TMEM41A: variants seen among roughly 807,000 people sequenced by gnomAD.
TMEM41A encodes transmembrane protein 41A.
TMEM41A carries 20 observed loss-of-function variants against 25.7 expected under a neutral mutation model. The ratio of observed to expected loss-of-function variants is 0.78; its 90% CI spans 0.55 to 1.13. The LOEUF (loss-of-function observed/expected upper bound fraction) is 1.13, where lower values mean the gene tolerates loss of function less well. Ranked by LOEUF, TMEM41A falls within the 50% of genes most tolerant of loss-of-function variation. TMEM41A has a pLI of 0.00. For synonymous variants in TMEM41A, 133 were observed against 139.6 expected, an observed-to-expected ratio of 0.95 and a Z score of 0.33; for missense variants, 299 against 314.3, an observed-to-expected ratio of 0.95 and a Z score of 0.37.
rs1405962077 is a variant in TMEM41A, at chr3:185,494,753, C to G, written c.444G>C (p.Glu148Asp). ...AGAAAAAAAACAAGCTGTTTCTGTT[C>G]TCCTCCACCTGTAGCCAAAGAGAAG... Reference protein sequence around the residue: ...KVALLQRKVEENRNSLFFFLL... With the variant: ...KVALLQRKVEDNRNSLFFFLL... The change falls in exon 4 of 5, where the codon GAG becomes GAC. Residue 148 changes from glutamate to aspartate, a missense_variant. Transcript: ENST00000421852. The G allele has an allele frequency of 6.2e-7, 1 of 1,605,596 alleles. No individual in the cohort carries two copies. The highest frequency in any genetic ancestry group is 1.3e-5 in the African/African-American group (1 of 74,264).
intron 3 of TMEM41A, 106 bp downstream of exon 3, chr3:185,495,048 A>G: frequency 7.3e-7 from 1 of 1,369,508 alleles, no homozygotes; most frequent in South Asian, 1.3e-5. Flanking sequence ...CTCCTGAAAC[A>G]GCGTGGAAGA....
chr3:185,491,815 A>G, intron 4 of TMEM41A, 58 bp from the exon 5 acceptor site: 3 of 1,321,268 alleles, frequency 2.3e-6, no homozygotes, highest in South Asian at 1.4e-5. Flanking sequence ...TAAGAAAATA[A>G]TAATTCAGAA....
Position 185,491,326 on chromosome 3 carries a change from G to T in TMEM41A, c.*211C>A. 1 of 489,380 alleles carries T rather than the reference G, an allele frequency of 2.0e-6. No homozygotes were observed. The highest frequency in any genetic ancestry group is 3.7e-6 in the Non-Finnish European group (1 of 270,824). 30.3% of individuals were successfully genotyped at this position (489,380 alleles called of 1,614,324 possible). On this transcript the variant is annotated 3_prime_UTR_variant, in exon 5 of 5. Coordinates refer to ENST00000421852, the MANE Select transcript of TMEM41A (RefSeq NM_080652.4). Reference sequence around the variant, plus strand: ...CAGCATTTTCTAGGAGGCATCTGTTGCAGTGTCTGCTACACCAGGGCTGGT... The same window carrying T: ...CAGCATTTTCTAGGAGGCATCTGTTTCAGTGTCTGCTACACCAGGGCTGGT...
At chr3:185,493,880 AGGTTTGCAGTTTGAGAATGACTG>A (rs921352614) in intron 4 of TMEM41A, 5 of 152,314 alleles carry the variant, frequency 3.3e-5, no homozygotes, top group South Asian at 2.1e-4. Flanking sequence ...GATTCTTAAT[AGGTTTGCAGTTTGAGAATGACTG>A]GGTTTGCAGT....
At chr3:185,498,525 G>A in intron 1 of TMEM41A, 2 of 267,042 alleles carry the variant, frequency 7.5e-6, no homozygotes, top group Non-Finnish European at 1.4e-5. Context: ...GAAAGCAACG[G>A]CGCGGGCAGG....
chr3:185,498,905 G>A lies in TMEM41A; in HGVS notation c.57C>T (p.Tyr19=), dbSNP rs1441701202. 1.9e-6 allele frequency: 3 copies of A among 1,606,880 alleles called. No homozygotes were observed. The highest frequency in any genetic ancestry group is 1.7e-6 in the Non-Finnish European group (2 of 1,177,378). Residue 19 remains tyrosine, a synonymous_variant, in exon 1 of 5, where the codon TAC becomes TAT. Transcript: ENST00000421852. The part of the protein sequence containing the change: ...LVFAGCTFAL[Y]LLSTRLPRGR... ...CGCGGGGCAGTCGCGTCGACAGCAA[G>A]TACAAGGCGAAGGTGCAGCCGGCGA... is the stretch of plus-strand genomic sequence containing the variant.
At chr3:185,498,801 G>A (rs770842673) in intron 1 of TMEM41A, 42 bp downstream of exon 1, 3 of 1,453,382 alleles carry the variant, frequency 2.1e-6, no homozygotes, top group East Asian at 5.0e-5. Flanking sequence ...CCTCGGACCC[G>A]GCTCCCTTCC....
chr3:185,496,373 C>A, intron 2 of TMEM41A: 1 of 240,044 alleles, frequency 4.2e-6, no homozygotes, highest in African/African-American at 2.2e-5. Flanking sequence ...CAGGCAGAGT[C>A]AGGGTTCACC....
intron 1 of TMEM41A, among the ~76,000 whole-genome samples, 167 bp from the exon 2 acceptor site, chr3:185,497,148 G>A (rs959655017): frequency 1.3e-5 from 2 of 152,174 alleles, no homozygotes; most frequent in Non-Finnish European, 2.9e-5. Context: ...ACGACGTTGC[G>A]GAGACAGACA....
rs763266515 is a variant in TMEM41A, at chr3:185,498,958, G to A, written c.4C>T (p.Arg2Cys). 1.9e-6 allele frequency: 3 copies of A among 1,597,372 alleles called. No individual in the cohort carries two copies. Among genetic ancestry groups the A allele is most frequent in the African/African-American group, 1.3e-5 (1 of 74,374 alleles). The change falls in exon 1 of 5, where the codon CGC becomes TGC. Residue 2 changes from arginine (R) to cysteine (C), a missense_variant. Transcript: ENST00000421852. ...ACCAGAAGGAGGCCGAGAAGCGGGC[G>A]CATGTCGGCTCCGCACCCCGGCCCG... M[R>C]PLLGLLLVFA...
At position 185,498,957 on chromosome 3, in the gene TMEM41A, C is replaced by T. The variant is rs377277108; in HGVS notation, c.5G>A (p.Arg2His). The T allele has an allele frequency of 1.9e-6, 3 of 1,598,088 alleles. No individual in the cohort carries two copies. Among genetic ancestry groups the T allele is most frequent in the Non-Finnish European group, 2.6e-6 (3 of 1,173,514 alleles). Reference sequence around the variant, plus strand: ...GACCAGAAGGAGGCCGAGAAGCGGGCGCATGTCGGCTCCGCACCCCGGCCC... The same window carrying T: ...GACCAGAAGGAGGCCGAGAAGCGGGTGCATGTCGGCTCCGCACCCCGGCCC... Reference protein sequence around the residue: MRPLLGLLLVFA... With the variant: MHPLLGLLLVFA... Residue 2 changes from arginine (R) to histidine (H), a missense_variant, in exon 1 of 5, where the codon CGC becomes CAC. By Grantham distance (29) the Arg-to-His change is conservative. Transcript: ENST00000421852.
At chr3:185,495,102 C>G (rs1321970277) in intron 3 of TMEM41A, 52 bp downstream of exon 3, 1 of 1,595,708 alleles carries the variant, frequency 6.3e-7, no homozygotes, top group African/African-American at 1.3e-5. Flanking sequence ...CAAGGCCATG[C>G]ACGTAGCGAC....
chr3:185,491,869 T>G (rs2148938400), intron 4 of TMEM41A, 112 bp from the exon 5 acceptor site: 1 of 719,828 alleles, frequency 1.4e-6, no homozygotes, highest in African/African-American at 1.8e-5. Flanking sequence ...GCTTGACTCT[T>G]GACCCTTATA....
chr3:185,497,731 C>A (rs1045524940), intron 1 of TMEM41A, among the ~76,000 whole-genome samples: 17 of 152,330 alleles, frequency 1.1e-4, no homozygotes, highest in African/African-American at 4.1e-4. Flanking sequence ...CTACTTCTCA[C>A]GAGAGTTTCT....
At chr3:185,492,515 T>C (rs1248841919) in intron 4 of TMEM41A, 1 of 152,198 alleles carries the variant, frequency 6.6e-6, no homozygotes, top group African/African-American at 2.4e-5. Context: ...GAAGTACTAT[T>C]CACATTCTGT....
intron 2 of TMEM41A, chr3:185,496,531 G>C (rs1489740061): frequency 9.5e-6 from 4 of 422,134 alleles, no homozygotes; most frequent in East Asian, 1.0e-4. Context: ...GCCTCTCTTG[G>C]ACATGTTTGC....
rs1718919685 is a variant in TMEM41A at position 185,490,671 on chromosome 3, C to T, written c.*866G>A. The stretch of plus-strand genomic sequence containing the variant: ...CAACACGTGGAAGTCCTAGGCAGTT[C>T]GTCAACTTGTTTCACTTGGCTTATG... On this transcript the variant is annotated 3_prime_UTR_variant, in exon 5 of 5. Transcript: ENST00000421852. The T allele has an allele frequency of 6.6e-6, 1 of 152,174 alleles. No homozygotes were observed. Among genetic ancestry groups the T allele is most frequent in the Non-Finnish European group, 1.5e-5 (1 of 68,040 alleles). 9.4% of individuals were successfully genotyped at this position (152,174 alleles called of 1,614,324 possible). A position where few individuals can be genotyped will look rare whatever the true frequency, so the allele number is the denominator to read the frequency against.
chr3:185,494,486 T>C (rs1033698744), intron 4 of TMEM41A, 137 bp downstream of exon 4: 2 of 995,828 alleles, frequency 2.0e-6, no homozygotes, highest in Non-Finnish European at 2.8e-6. Context: ...ATCATTTCTT[T>C]AGATCATAAG....
chr3:185,496,453 G>A, intron 2 of TMEM41A: 1 of 332,828 alleles, frequency 3.0e-6, no homozygotes, highest in East Asian at 7.4e-5. Flanking sequence ...ATCAGTTCAA[G>A]ACAGAAGACA....
Sources: allele counts gnomAD v4.1 joint callset (sites outside exome capture counted in the v4.1 genomes callset), GRCh38; gene constraint gnomAD v4.1.1; transcripts MANE v1.5; gene names NCBI Gene and HGNC (gene_info 2026-07-23, HGNC 2026-07-21).